RAB3GAP2: variants seen among roughly 807,000 people sequenced by gnomAD.
The protein encoded by RAB3GAP2 is RAB3 GTPase activating non-catalytic protein subunit 2, also known as rab3 GTPase-activating protein non-catalytic subunit.
A neutral mutation model predicts 185.3 loss-of-function variants in RAB3GAP2; 87 were observed. The observed-to-expected ratio is 0.47, with a 90% CI of 0.39 to 0.56. The LOEUF is 0.56. Ranked by LOEUF, RAB3GAP2 falls within the 20% of genes least tolerant of loss-of-function variation. RAB3GAP2 has a pLI of 0.00. For missense variants in RAB3GAP2, 1,492 were observed against 1,638.2 expected, an observed-to-expected ratio of 0.91 and a Z score of 1.54; for synonymous variants, 554 against 576.1, an observed-to-expected ratio of 0.96 and a Z score of 0.55.
chr1:220,163,043 G>A (rs1035846733), intron 27 of RAB3GAP2, among the ~76,000 whole-genome samples: 7 of 152,154 alleles, frequency 4.6e-5, no homozygotes, highest in African/African-American at 1.7e-4. Flanking sequence ...GGAGGCTGAG[G>A]TGATAGCATA....
chr1:220,192,064 G>C (rs560906070), intron 13 of RAB3GAP2, among the ~76,000 whole-genome samples: 10 of 152,304 alleles, frequency 6.6e-5, no homozygotes, highest in African/African-American at 2.2e-4. Flanking sequence ...AAAACTGGCT[G>C]TACTAGCTGC....
intron 1 of RAB3GAP2, among the ~76,000 whole-genome samples, chr1:220,246,883 C>T (rs562888901): frequency 8.5e-4 from 127 of 150,266 alleles, no homozygotes; most frequent in African/African-American, 3.1e-3. Flanking sequence ...AACTAACCTG[C>T]ACGATGTGCA....
chr1:220,184,914 GAA>G (rs1436429411), intron 18 of RAB3GAP2, among the ~76,000 whole-genome samples: 1 of 151,946 alleles, frequency 6.6e-6, no homozygotes, highest in South Asian at 2.1e-4. Flanking sequence ...AAAAAAGGTT[GAA>G]AAAGAGTCTC....
chr1:220,217,728 T>C (rs926689619), intron 2 of RAB3GAP2, among the ~76,000 whole-genome samples: 2 of 152,232 alleles, frequency 1.3e-5, no homozygotes, highest in Non-Finnish European at 2.9e-5. Flanking sequence ...TGTATAACAA[T>C]GAACAATCAA....
At chr1:220,228,045 G>A (rs995792741) in intron 2 of RAB3GAP2, among the ~76,000 whole-genome samples, 2 of 152,142 alleles carry the variant, frequency 1.3e-5, no homozygotes, top group East Asian at 1.9e-4. Context: ...GAGCCACCGC[G>A]CCTGGCCTCT....
At chr1:220,256,626 T>C (rs1327993383) in intron 1 of RAB3GAP2, among the ~76,000 whole-genome samples, 1 of 152,210 alleles carries the variant, frequency 6.6e-6, no homozygotes, top group East Asian at 1.9e-4. Flanking sequence ...AAACAGACTT[T>C]ATGCCAACAA....
intron 2 of RAB3GAP2, among the ~76,000 whole-genome samples, chr1:220,230,556 T>C (rs1467007300): frequency 6.6e-6 from 1 of 152,226 alleles, no homozygotes; most frequent in African/African-American, 2.4e-5. Flanking sequence ...ATGGAGTTTT[T>C]CCATACATCT....
chr1:220,175,758 C>G (rs1364246144), intron 21 of RAB3GAP2, among the ~76,000 whole-genome samples: 4 of 152,186 alleles, frequency 2.6e-5, no homozygotes, highest in Non-Finnish European at 4.4e-5. Context: ...AATTCTGAAA[C>G]AAACAAAAAA....
intron 2 of RAB3GAP2, 144 bp from the exon 3 acceptor site, chr1:220,214,123 C>G (rs955489016): frequency 5.0e-6 from 4 of 807,214 alleles, no homozygotes; most frequent in Non-Finnish European, 5.9e-6. Flanking sequence ...TATTCCTTAT[C>G]AAAACATGCC....
chr1:220,228,256 T>G (rs1356698042), intron 2 of RAB3GAP2, among the ~76,000 whole-genome samples: 4 of 152,210 alleles, frequency 2.6e-5, no homozygotes, highest in Admixed American at 1.3e-4. Flanking sequence ...ACTAGGCAAC[T>G]AGAGCATATA....
At chr1:220,254,438 A>T (rs1433918092) in intron 1 of RAB3GAP2, 1 of 1,613,012 alleles carries the variant, frequency 6.2e-7, no homozygotes, top group Non-Finnish European at 8.5e-7. Flanking sequence ...TTACTCAATT[A>T]TCTTCACGAT....
At chr1:220,248,425 T>C (rs981228691) in intron 1 of RAB3GAP2, among the ~76,000 whole-genome samples, 28 of 152,142 alleles carry the variant, frequency 1.8e-4, no homozygotes, top group African/African-American at 6.3e-4. Flanking sequence ...TCATAACGTA[T>C]ATCAAATCAT....
intron 6 of RAB3GAP2, 51 bp from the exon 7 acceptor site, chr1:220,210,540 T>A (rs777318255): frequency 1.4e-6 from 2 of 1,386,184 alleles, no homozygotes; most frequent in Non-Finnish European, 2.1e-6. Context: ...CCAATATACC[T>A]TAGCAGGTAT....
chr1:220,212,510 T>G (rs946483117), intron 4 of RAB3GAP2, among the ~76,000 whole-genome samples: 2 of 152,056 alleles, frequency 1.3e-5, no homozygotes, highest in Non-Finnish European at 2.9e-5. Flanking sequence ...TTTTTTTTTT[T>G]AAGAGACAGG....
intron 1 of RAB3GAP2, chr1:220,254,319 C>T (rs28650887): frequency 0.055 from 88,860 of 1,612,976 alleles, 3,618 homozygotes; most frequent in African/African-American, 0.21. Context: ...CAGATCATCC[C>T]GATGCACCCA....
At chr1:220,248,112 A>G (rs1659853642) in intron 1 of RAB3GAP2, among the ~76,000 whole-genome samples, 1 of 151,596 alleles carries the variant, frequency 6.6e-6, no homozygotes, top group Admixed American at 6.6e-5. Flanking sequence ...GAAGCAAAAA[A>G]CTTTGCTAAA....
chr1:220,167,872 T>G (rs935501572), intron 24 of RAB3GAP2, among the ~76,000 whole-genome samples, 197 bp from the exon 25 acceptor site: 2 of 152,148 alleles, frequency 1.3e-5, no homozygotes, highest in African/African-American at 4.8e-5. Context: ...AGTGGGATAT[T>G]TACGATGTCA....
intron 19 of RAB3GAP2, 106 bp downstream of exon 19, chr1:220,183,930 A>G: frequency 1.0e-6 from 1 of 990,412 alleles, no homozygotes. Flanking sequence ...ATACCTTTAA[A>G]GCTTTAAAAA....
chr1:220,267,554 T>TTAAA, intron 1 of RAB3GAP2: 2 of 1,386,398 alleles, frequency 1.4e-6, no homozygotes, highest in South Asian at 2.3e-5. Flanking sequence ...TTTTTGATTC[T>TTAAA]TCATTTTTCT....
Sources: allele counts gnomAD v4.1 joint callset (sites outside exome capture counted in the v4.1 genomes callset), GRCh38; gene constraint gnomAD v4.1.1; transcripts MANE v1.5; gene names NCBI Gene and HGNC (gene_info 2026-07-23, HGNC 2026-07-21).